Variants in FSTL5 observed in about 807,000 individuals in gnomAD.
FSTL5 encodes the protein follistatin-related protein 5.
Under a neutral mutation model 89.1 loss-of-function variants are expected in FSTL5, and 62 were observed. That is an observed-to-expected ratio of 0.70 (90% confidence interval 0.57 to 0.86). The LOEUF is 0.86. Among genes scored for constraint, FSTL5 ranks in the 40% least tolerant of loss-of-function variants. FSTL5 has a pLI of 0.00. For missense variants in FSTL5, 1,057 were observed against 1,001.6 expected (o/e 1.06, Z -0.75); for synonymous variants, 383 against 346.2 (o/e 1.11, Z -1.18).
intron 7 of FSTL5, among the ~76,000 whole-genome samples, chr4:161,605,370 A>T (rs1734401320): frequency 6.6e-6 from 1 of 152,212 alleles, no homozygotes; most frequent in African/African-American, 2.4e-5. Context: ...TGATTTAATT[A>T]CATATAATTT....
intron 1 of FSTL5, among the ~76,000 whole-genome samples, chr4:162,114,576 T>C (rs1331346776): frequency 3.3e-5 from 5 of 150,948 alleles, no homozygotes; most frequent in Non-Finnish European, 7.4e-5. Context: ...ACATATTCTA[T>C]ATGACTACAA....
At chr4:161,475,726 T>C (rs1734112607) in intron 13 of FSTL5, among the ~76,000 whole-genome samples, 1 of 152,058 alleles carries the variant, frequency 6.6e-6, no homozygotes, top group African/African-American at 2.4e-5. Flanking sequence ...CCTCAGGTCT[T>C]GTTCAGGAAT....
chr4:161,625,672 C>A (rs1164355117), intron 7 of FSTL5, among the ~76,000 whole-genome samples: 2 of 151,990 alleles, frequency 1.3e-5, no homozygotes, highest in Non-Finnish European at 2.9e-5. Flanking sequence ...CATTTTAAAT[C>A]AAAAACTAGA....
chr4:161,655,533 T>C (rs550494748), intron 7 of FSTL5, among the ~76,000 whole-genome samples: 1 of 152,248 alleles, frequency 6.6e-6, no homozygotes, highest in Non-Finnish European at 1.5e-5. Flanking sequence ...TAGAACATTA[T>C]TGGTAAGTAA....
intron 1 of FSTL5, among the ~76,000 whole-genome samples, chr4:162,114,855 C>A (rs1731575765): frequency 6.6e-6 from 1 of 152,030 alleles, no homozygotes; most frequent in Non-Finnish European, 1.5e-5. Context: ...TATGATTAAT[C>A]ATAATTAATT....
At chr4:161,661,245 G>T (rs188205370) in intron 6 of FSTL5, among the ~76,000 whole-genome samples, 1 of 152,096 alleles carries the variant, frequency 6.6e-6, no homozygotes, top group Admixed American at 6.5e-5. Flanking sequence ...TCTAAATATC[G>T]ACATCTTTGA....
rs983598408 is a variant in FSTL5, at chr4:161,912,641, G to A, written c.409+7763C>T. ...TCTCGGGTATGTCTTCATCAACAGCGTGAAAATGAACTAATACAGTAAATT... is the reference window on the plus strand; with the variant it reads ...TCTCGGGTATGTCTTCATCAACAGCATGAAAATGAACTAATACAGTAAATT... On this transcript the variant is annotated intron_variant, in intron 4 of 15. Transcript: ENST00000306100. Among the ~76,000 whole-genome samples, 31 of 152,200 alleles carry A rather than the reference G, an allele frequency of 2.0e-4. 1 individual carries two copies. Among genetic ancestry groups the A allele is most frequent in the Non-Finnish European group, 2.9e-5 (2 of 68,010 alleles).
At chr4:161,635,491 TAA>T (rs34085655) in intron 7 of FSTL5, among the ~76,000 whole-genome samples, 46,381 of 150,172 alleles carry the variant, frequency 0.31, 7,705 homozygotes, top group African/African-American at 0.44. Context: ...TGTTACAAAT[TAA>T]AAAAAAAAAA....
chr4:161,440,441 A>G (rs1324760516), intron 15 of FSTL5, among the ~76,000 whole-genome samples: 1 of 152,128 alleles, frequency 6.6e-6, no homozygotes, highest in Non-Finnish European at 1.5e-5. Context: ...GTCTGTGCAT[A>G]AATTTTGTGA....
chr4:161,810,549 T>C (rs1186699073), intron 4 of FSTL5, among the ~76,000 whole-genome samples: 1 of 152,134 alleles, frequency 6.6e-6, no homozygotes, highest in Non-Finnish European at 1.5e-5. Context: ...AATTTGGCAA[T>C]TGGTGCAGTA....
intron 13 of FSTL5, among the ~76,000 whole-genome samples, chr4:161,477,993 T>C (rs1359164996): frequency 6.6e-6 from 1 of 151,996 alleles, no homozygotes; most frequent in Non-Finnish European, 1.5e-5. Context: ...AAATATAATA[T>C]AATAATTTGG....
At chr4:161,644,586 T>C (rs912194858) in intron 7 of FSTL5, among the ~76,000 whole-genome samples, 13 of 151,710 alleles carry the variant, frequency 8.6e-5, no homozygotes, top group Non-Finnish European at 4.4e-5. Flanking sequence ...GCTTGTGTTA[T>C]GGAGAACTTG....
intron 6 of FSTL5, among the ~76,000 whole-genome samples, chr4:161,669,305 G>A (rs1225285624): frequency 6.6e-6 from 1 of 151,950 alleles, no homozygotes; most frequent in African/African-American, 2.4e-5. Flanking sequence ...TGAATCCTGA[G>A]GTGTCTAGAG....
chr4:162,121,753 T>C (rs1731872476), intron 1 of FSTL5, among the ~76,000 whole-genome samples: 1 of 152,036 alleles, frequency 6.6e-6, no homozygotes, highest in Non-Finnish European at 1.5e-5. Context: ...ACAAGACTGG[T>C]GTGAATTGCA....
At chr4:161,612,981 T>C (rs1188410703) in intron 7 of FSTL5, among the ~76,000 whole-genome samples, 2 of 152,194 alleles carry the variant, frequency 1.3e-5, no homozygotes, top group South Asian at 4.1e-4. Context: ...TTAAGATAGG[T>C]CGAATACTGG....
At chr4:161,853,428 C>A (rs755237392) in intron 4 of FSTL5, among the ~76,000 whole-genome samples, 3 of 152,100 alleles carry the variant, frequency 2.0e-5, no homozygotes, top group Non-Finnish European at 4.4e-5. Flanking sequence ...CCACTACACC[C>A]AGCTAATTTT....
At chr4:161,932,130 G>C (rs534878087) in intron 3 of FSTL5, among the ~76,000 whole-genome samples, 12 of 151,894 alleles carry the variant, frequency 7.9e-5, no homozygotes, top group African/African-American at 2.9e-4. Context: ...CAAAAAATAG[G>C]GTTCAAGTTG....
chr4:162,084,975 CTT>C (rs1255256160), intron 2 of FSTL5, among the ~76,000 whole-genome samples: 1 of 151,988 alleles, frequency 6.6e-6, no homozygotes, highest in African/African-American at 2.4e-5. Context: ...AACCATATCA[CTT>C]CTAGGATAAA....
chr4:161,617,761 G>A (rs1734950878), intron 7 of FSTL5, among the ~76,000 whole-genome samples: 1 of 152,168 alleles, frequency 6.6e-6, no homozygotes, highest in Admixed American at 6.6e-5. Context: ...AAGAAAAACT[G>A]TGATTATAGA....
Sources: gnomAD v4.1 joint callset for allele counts (sites outside exome capture counted in the v4.1 genomes callset) on GRCh38, gnomAD v4.1.1 for gene constraint, MANE v1.5 for transcripts, NCBI Gene and HGNC (gene_info 2026-07-23, HGNC 2026-07-21) for gene names.